Variants in ACAP2 observed in about 807,000 individuals in gnomAD.
ACAP2 encodes the protein ArfGAP with coiled-coil, ankyrin repeat and PH domains 2.
ACAP2 carries 39 observed loss-of-function variants against 115.8 expected under a neutral mutation model. That is an observed-to-expected ratio of 0.34 (90% CI 0.26 to 0.44). ACAP2 has a LOEUF of 0.44. Among genes scored for constraint, ACAP2 ranks in the 20% least tolerant of loss-of-function variants. The pLI is 1.00. For missense variants in ACAP2, 662 were observed against 927.6 expected, an observed-to-expected ratio of 0.71 and a Z score of 3.72; for synonymous variants, 289 against 315.8, an observed-to-expected ratio of 0.92 and a Z score of 0.90.
At chr3:195,299,939 T>C (rs1174725841) in intron 15 of ACAP2, among the ~76,000 whole-genome samples, 7 of 150,564 alleles carry the variant, frequency 4.6e-5, no homozygotes, top group Non-Finnish European at 1.0e-4. Context: ...ATTTGAAAAA[T>C]ATTCTTATAA....
chr3:195,332,836 G>A (rs1730263796), intron 8 of ACAP2, among the ~76,000 whole-genome samples, 192 bp downstream of exon 8: 2 of 152,150 alleles, frequency 1.3e-5, no homozygotes, highest in Admixed American at 1.3e-4. Flanking sequence ...ATCATTGTAA[G>A]TTTCCTGAGG....
intron 4 of ACAP2, among the ~76,000 whole-genome samples, chr3:195,346,105 C>G (rs1731171702): frequency 6.6e-6 from 1 of 152,180 alleles, no homozygotes; most frequent in African/African-American, 2.4e-5. Context: ...GCTCTGTCTT[C>G]TGTTTTCTCC....
At chr3:195,355,374 T>C (rs1489376211) in intron 4 of ACAP2, among the ~76,000 whole-genome samples, 1 of 150,168 alleles carries the variant, frequency 6.7e-6, no homozygotes, top group Admixed American at 6.7e-5. Context: ...TACACAGAAA[T>C]TCCTCAATTC....
intron 1 of ACAP2, chr3:195,441,750 C>T (rs1716010179): frequency 6.6e-6 from 1 of 152,186 alleles, no homozygotes; most frequent in Non-Finnish European, 1.5e-5. Flanking sequence ...AGGACTATGA[C>T]CAGCCCTGTA....
At chr3:195,388,868 G>GA (rs1734472373) in intron 2 of ACAP2, among the ~76,000 whole-genome samples, 1 of 151,470 alleles carries the variant, frequency 6.6e-6, no homozygotes, top group Non-Finnish European at 1.5e-5. Context: ...CTATAAATAC[G>GA]AAAAAATTAG....
rs546329426 is a variant in ACAP2 at position 195,363,622 on chromosome 3, T to TACAC, written c.285+17383_285+17386dup. ...TCCTAAAAATTTATATGAAACCACA[T>TACAC]ACACACACACACACACACACACACA... On this transcript the variant is annotated intron_variant, in intron 4 of 22. Coordinates refer to ENST00000326793, the MANE Select transcript of ACAP2 (RefSeq NM_012287.6). Among the ~76,000 whole-genome samples the TACAC allele has an allele frequency of 3.9e-3, 571 of 147,150 alleles. 1 individual carries two copies. Among genetic ancestry groups the TACAC allele is most frequent in the Middle Eastern group, 0.014 (4 of 284 alleles).
At chr3:195,328,350 AATG>A (rs1729938711) in intron 8 of ACAP2, among the ~76,000 whole-genome samples, 1 of 152,090 alleles carries the variant, frequency 6.6e-6, no homozygotes, top group Admixed American at 6.5e-5. Flanking sequence ...CCTTATCACA[AATG>A]ATGTTTTTTC....
chr3:195,372,987 C>CAAAAAAAAAAAAAA lies in ACAP2; in HGVS notation c.285+8008_285+8021dup, dbSNP rs869134113. Reference sequence around the variant, plus strand: ...TGGGCGACAGAGCGAGACTCCATCTCAAAAAAAAAAAAAAAAAAAAAAAAA... The same window carrying CAAAAAAAAAAAAAA: ...TGGGCGACAGAGCGAGACTCCATCTCAAAAAAAAAAAAAAAAAAAAAAAAAAAAAAAAAAAAAAA... On this transcript the variant is annotated intron_variant, in intron 4 of 22. Coordinates refer to ENST00000326793, the MANE Select transcript of ACAP2 (RefSeq NM_012287.6). 5.1e-3 allele frequency among the ~76,000 whole-genome samples: 90 copies of CAAAAAAAAAAAAAA among 17,774 alleles called. 10 individuals are homozygous for CAAAAAAAAAAAAAA. The highest frequency in any genetic ancestry group is 8.9e-3 in the African/African-American group (47 of 5,282). 11.7% of individuals were successfully genotyped at this position (17,774 alleles called of 152,430 possible). A position where few individuals can be genotyped will look rare whatever the true frequency, so the allele number is the denominator to read the frequency against.
At chr3:195,300,600 C>T (rs572737745) in intron 15 of ACAP2, among the ~76,000 whole-genome samples, 2 of 152,260 alleles carry the variant, frequency 1.3e-5, no homozygotes, top group South Asian at 2.1e-4. Flanking sequence ...TGCAAATCAT[C>T]GTATGCTGAA....
At chr3:195,429,678 T>TA (rs922252858) in intron 1 of ACAP2, among the ~76,000 whole-genome samples, 1 of 152,172 alleles carries the variant, frequency 6.6e-6, no homozygotes, top group Admixed American at 6.5e-5. Context: ...TGCAAGTTTT[T>TA]ATCAAGAAAA....
At chr3:195,438,632 A>G (rs1296325629) in intron 1 of ACAP2, among the ~76,000 whole-genome samples, 1 of 152,196 alleles carries the variant, frequency 6.6e-6, no homozygotes, top group Non-Finnish European at 1.5e-5. Context: ...GCTACTCAGG[A>G]GGCTGCGGCA....
rs779418878 is a variant in ACAP2 at position 195,292,344 on chromosome 3, G to C, written c.1874C>G (p.Ala625Gly). ...YEKNLPKMAE[A>G]LAHGADVNWA... ...GTTCACGTCTGCACCATGAGCCAAA[G>C]CCTCAGCCATTTTAGGAAGGTTTTT... Residue 625 changes from alanine (A) to glycine (G), a missense_variant, in exon 19 of 23, where the codon GCT becomes GGT. Ala to Gly is a moderately conservative substitution (Grantham distance 60, BLOSUM62 0). Transcript: ENST00000326793. 1 of 1,613,636 alleles carries C rather than the reference G, an allele frequency of 6.2e-7. No homozygotes were observed. Among genetic ancestry groups the C allele is most frequent in the South Asian group, 1.1e-5 (1 of 91,058 alleles).
At chr3:195,351,314 G>A (rs951664787) in intron 4 of ACAP2, among the ~76,000 whole-genome samples, 13 of 151,818 alleles carry the variant, frequency 8.6e-5, no homozygotes, top group African/African-American at 2.9e-4. Flanking sequence ...ACAGAGTTTC[G>A]CCATGTTGCC....
At chr3:195,428,834 G>T (rs541283792) in intron 1 of ACAP2, among the ~76,000 whole-genome samples, 2 of 152,198 alleles carry the variant, frequency 1.3e-5, no homozygotes, top group Admixed American at 1.3e-4. Flanking sequence ...AATATTGTTG[G>T]CAGATTTATA....
chr3:195,424,637 G>A lies in ACAP2; in HGVS notation c.53+18158C>T, dbSNP rs1008829357. Among the ~76,000 whole-genome samples, 17 of 151,816 alleles carry A rather than the reference G, an allele frequency of 1.1e-4. No homozygotes were observed. The East Asian group carries it at 3.3e-3, about 30-fold the overall frequency. ...TTTTAGTCAACTAAAAAAATTTTAA[G>A]ACCAGGTGCGGTGGTTCACGCCTAT... is the stretch of plus-strand genomic sequence containing the variant. On this transcript the variant is annotated intron_variant, in intron 1 of 22. Coordinates refer to ENST00000326793, the MANE Select transcript of ACAP2 (RefSeq NM_012287.6).
intron 9 of ACAP2, among the ~76,000 whole-genome samples, chr3:195,322,551 G>A (rs745926277): frequency 1.1e-4 from 17 of 151,990 alleles, no homozygotes; most frequent in Non-Finnish European, 1.2e-4. Context: ...ATCAAATGAA[G>A]GAGAATCTGT....
At chr3:195,355,753 T>C (rs1731919886) in intron 4 of ACAP2, among the ~76,000 whole-genome samples, 1 of 152,196 alleles carries the variant, frequency 6.6e-6, no homozygotes, top group South Asian at 2.1e-4. Flanking sequence ...GAAAGGTTAG[T>C]AAAAGAGTAG....
At chr3:195,336,575 A>C (rs114149376) in intron 7 of ACAP2, 1,780 of 166,606 alleles carry the variant, frequency 0.011, 34 homozygotes, top group African/African-American at 0.039. Context: ...TTTCAAAACA[A>C]ATTCTGAAAT....
At chr3:195,304,935 G>C (rs918936186) in intron 13 of ACAP2, among the ~76,000 whole-genome samples, 5 of 152,200 alleles carry the variant, frequency 3.3e-5, no homozygotes, top group African/African-American at 9.7e-5. Flanking sequence ...AACATTGGTT[G>C]TTTATGGAAC....
Sources: allele counts gnomAD v4.1 joint callset (sites outside exome capture counted in the v4.1 genomes callset), GRCh38; gene constraint gnomAD v4.1.1; transcripts MANE v1.5; gene names NCBI Gene and HGNC (gene_info 2026-07-23, HGNC 2026-07-21).